The following ARHGAP28 variants were observed in gnomAD, a reference collection of about 807,000 sequenced individuals.
The protein encoded by ARHGAP28 is Rho GTPase activating protein 28, also known as rho GTPase-activating protein 28.
ARHGAP28 carries 56 observed loss-of-function variants against 90.7 expected under a neutral mutation model. The observed-to-expected ratio is 0.62, with a 90% confidence interval of 0.50 to 0.77. The LOEUF (loss-of-function observed/expected upper bound fraction) is 0.77. Among genes scored for constraint, ARHGAP28 ranks in the 30% least tolerant of loss-of-function variants. ARHGAP28 has a pLI of 0.00. For synonymous variants in ARHGAP28, 308 were observed against 323.3 expected (o/e 0.95, Z 0.51); for missense variants, 869 against 900.9 (o/e 0.96, Z 0.45).
intron 9 of ARHGAP28, among the ~76,000 whole-genome samples, chr18:6,875,580 G>T (rs1045873719): frequency 2.0e-5 from 3 of 152,162 alleles, no homozygotes; most frequent in Non-Finnish European, 4.4e-5. Flanking sequence ...TGCAGGTAAA[G>T]GACTGAGAAT....
intron 1 of ARHGAP28, among the ~76,000 whole-genome samples, chr18:6,801,215 AT>A (rs1284807945): frequency 6.6e-6 from 1 of 151,928 alleles, no homozygotes; most frequent in Non-Finnish European, 1.5e-5. Context: ...AGGCCTTTAA[AT>A]TTTTTTTGCA....
In ARHGAP28 at chr18:6,802,335, C is replaced by CTTTTTTTTTTTT. The variant is rs35950139; in HGVS notation, c.123-22410_123-22399dup. 7.6e-5 allele frequency among the ~76,000 whole-genome samples: 4 copies of CTTTTTTTTTTTT among 52,762 alleles called. 1 individual carries two copies. Among genetic ancestry groups the CTTTTTTTTTTTT allele is most frequent in the South Asian group, 1.5e-3 (2 of 1,306 alleles). 34.6% of individuals were successfully genotyped at this position (52,762 alleles called of 152,430 possible). A position where few individuals can be genotyped will look rare whatever the true frequency, so the allele number is the denominator to read the frequency against. ...GGATCATATGGATCATATGGTAGTTCTTTTTTTTTTTTTTTTTTTTTTTTT... is the reference window on the plus strand; with the variant it reads ...GGATCATATGGATCATATGGTAGTTCTTTTTTTTTTTTTTTTTTTTTTTTTTTTTTTTTTTTT... On this transcript the variant is annotated intron_variant, in intron 1 of 17. Transcript: ENST00000383472.
rs756337539 is a variant in ARHGAP28 at position 6,873,696 on chromosome 18, T to C, written c.1133T>C (p.Phe378Ser). The C allele has an allele frequency of 9.9e-6, 16 of 1,614,006 alleles. No homozygotes were observed. Among genetic ancestry groups the C allele is most frequent in the African/African-American group, 1.3e-5 (1 of 74,914 alleles). The change falls in exon 9 of 18, where the codon TTT (phenylalanine) becomes TCT (serine). Residue 378 changes from phenylalanine to serine, a missense_variant. Phe to Ser is a radical substitution (Grantham distance 155). Coordinates refer to ENST00000383472, the MANE Select transcript of ARHGAP28 (RefSeq NM_001366230.1). Reference protein sequence around the residue: ...EKVKGRDNGIFGVPLTVLLDG... With the variant: ...EKVKGRDNGISGVPLTVLLDG... ...TCTCACAATGAAGACAATGGGATTTTTGGAGTTCCACTTACAGTCCTCCTG... is the reference window on the plus strand; with the variant it reads ...TCTCACAATGAAGACAATGGGATTTCTGGAGTTCCACTTACAGTCCTCCTG...
At chr18:6,817,260 A>G (rs1283868585) in intron 1 of ARHGAP28, among the ~76,000 whole-genome samples, 2 of 152,028 alleles carry the variant, frequency 1.3e-5, no homozygotes, top group East Asian at 1.9e-4. Context: ...CGGAGGTTTC[A>G]GTGAGCTGAG....
intron 1 of ARHGAP28, among the ~76,000 whole-genome samples, chr18:6,807,145 T>C (rs1239425894): frequency 1.3e-5 from 2 of 152,182 alleles, no homozygotes; most frequent in Admixed American, 6.5e-5. Context: ...GGTTTTTGTG[T>C]TTTCATCATT....
At chr18:6,855,437 A>G (rs967896653) in intron 4 of ARHGAP28, among the ~76,000 whole-genome samples, 1 of 152,184 alleles carries the variant, frequency 6.6e-6, no homozygotes, top group African/African-American at 2.4e-5. Flanking sequence ...AGGTCTCTTC[A>G]GGATGACCTG....
At chr18:6,892,986 C>T (rs1481851900) in intron 14 of ARHGAP28, among the ~76,000 whole-genome samples, 4 of 152,168 alleles carry the variant, frequency 2.6e-5, no homozygotes, top group African/African-American at 9.7e-5. Flanking sequence ...TTTATATTCT[C>T]AAGAATATGT....
intron 3 of ARHGAP28, among the ~76,000 whole-genome samples, chr18:6,848,116 T>C (rs2056880914): frequency 6.6e-6 from 1 of 152,094 alleles, no homozygotes; most frequent in East Asian, 1.9e-4. Flanking sequence ...TCATATTGTT[T>C]GCACAAAGAG....
intron 16 of ARHGAP28, chr18:6,898,808 C>T (rs1043667120): frequency 6.2e-6 from 7 of 1,137,340 alleles, no homozygotes; most frequent in Non-Finnish European, 6.6e-6. Context: ...ATCATATGTT[C>T]TCACTCGTAA....
chr18:6,913,010 A>AT lies in ARHGAP28; in HGVS notation c.*862dup, dbSNP rs1038461863. 1 of 152,148 alleles carries AT rather than the reference A, an allele frequency of 6.6e-6. No homozygotes were observed. The highest frequency in any genetic ancestry group is 2.4e-5 in the African/African-American group (1 of 41,434). 9.4% of individuals were successfully genotyped at this position (152,148 alleles called of 1,614,324 possible). On this transcript the variant is annotated 3_prime_UTR_variant, in exon 18 of 18. Transcript: ENST00000383472. ...GCTTCCTTTTCTGATCAAACATACCATTTTTTATATTTCACAACTATAGAC... is the reference window on the plus strand; with the variant it reads ...GCTTCCTTTTCTGATCAAACATACCATTTTTTTATATTTCACAACTATAGAC...
intron 2 of ARHGAP28, among the ~76,000 whole-genome samples, chr18:6,825,751 C>A (rs1051713813): frequency 6.6e-6 from 1 of 152,148 alleles, no homozygotes; most frequent in African/African-American, 2.4e-5. Context: ...ATTATGGCCA[C>A]CAGCTCCATT....
At chr18:6,810,220 T>A (rs2056546916) in intron 1 of ARHGAP28, among the ~76,000 whole-genome samples, 1 of 152,174 alleles carries the variant, frequency 6.6e-6, no homozygotes, top group African/African-American at 2.4e-5. Flanking sequence ...TGCTCAGAAT[T>A]GCATCAGCCC....
chr18:6,746,913 T>C (rs904856048), intron 1 of ARHGAP28, among the ~76,000 whole-genome samples: 1 of 149,220 alleles, frequency 6.7e-6, no homozygotes, highest in Non-Finnish European at 1.5e-5. Flanking sequence ...GGCAAGTAGA[T>C]TGATTAATGA....
intron 1 of ARHGAP28, among the ~76,000 whole-genome samples, chr18:6,787,417 G>A (rs947172628): frequency 1.3e-5 from 2 of 152,034 alleles, no homozygotes; most frequent in Non-Finnish European, 2.9e-5. Flanking sequence ...GATCATCAAT[G>A]AGAATGGTTA....
At chr18:6,903,413 A>G (rs1037034438) in intron 16 of ARHGAP28, among the ~76,000 whole-genome samples, 1 of 152,232 alleles carries the variant, frequency 6.6e-6, no homozygotes, top group Non-Finnish European at 1.5e-5. Context: ...CACATCATTT[A>G]TTAGTAAAAC....
At chr18:6,799,681 G>T (rs1440810939) in intron 1 of ARHGAP28, among the ~76,000 whole-genome samples, 1 of 152,172 alleles carries the variant, frequency 6.6e-6, no homozygotes, top group Non-Finnish European at 1.5e-5. Flanking sequence ...CCAGCCATAT[G>T]CAGAAAACTG....
intron 3 of ARHGAP28, among the ~76,000 whole-genome samples, chr18:6,842,248 T>G (rs2143921153): frequency 6.6e-6 from 1 of 152,272 alleles, no homozygotes; most frequent in African/African-American, 2.4e-5. Context: ...ATGCCTGTTG[T>G]TTCAGCTACT....
intron 1 of ARHGAP28, among the ~76,000 whole-genome samples, chr18:6,766,568 C>A (rs2056201552): frequency 6.6e-6 from 1 of 152,078 alleles, no homozygotes; most frequent in African/African-American, 2.4e-5. Context: ...GATACAGCGC[C>A]AATGCCAGCT....
At position 6,909,022 on chromosome 18, in the gene ARHGAP28, T is replaced by C; in HGVS notation, c.2093T>C (p.Ile698Thr). ...AGGTTATATGAAATTGGAGGAAATA[T>C]AGGTAAGCATACTGTAATAATTTCT... ...NQRLYEIGGNIGEHCLDPDAY... is the reference protein window; with the variant it reads ...NQRLYEIGGNTGEHCLDPDAY... Residue 698 changes from isoleucine to threonine, a missense_variant and splice_region_variant, in exon 17 of 18, where the codon ATA becomes ACA. Transcript: ENST00000383472. 6.8e-7 allele frequency: 1 copy of C among 1,475,954 alleles called. No individual in the cohort carries two copies. Among genetic ancestry groups the C allele is most frequent in the Non-Finnish European group, 9.4e-7 (1 of 1,059,804 alleles). 91.4% of individuals were successfully genotyped at this position (1,475,954 alleles called of 1,614,324 possible). A position where few individuals can be genotyped will look rare whatever the true frequency, so the allele number is the denominator to read the frequency against.
Sources: gnomAD v4.1 joint callset for allele counts (sites outside exome capture counted in the v4.1 genomes callset) on GRCh38, gnomAD v4.1.1 for gene constraint, MANE v1.5 for transcripts, NCBI Gene and HGNC (gene_info 2026-07-23, HGNC 2026-07-21) for gene names.